SPHKAP: variants seen among roughly 807,000 people sequenced by gnomAD.
SPHKAP encodes SPHK1 interactor, AKAP domain containing, also known as A-kinase anchor protein SPHKAP.
Under a neutral mutation model 137.5 loss-of-function variants are expected in SPHKAP, and 67 were observed. That is an observed-to-expected ratio of 0.49 (90% CI 0.40 to 0.60). The LOEUF is 0.60. Among genes scored for constraint, SPHKAP ranks in the 20% least tolerant of loss-of-function variants. SPHKAP has a pLI of 0.00. For missense variants in SPHKAP, 2,097 were observed against 2,069.3 expected, an observed-to-expected ratio of 1.01 and a Z score of -0.26; for synonymous variants, 813 against 785.3, an observed-to-expected ratio of 1.04 and a Z score of -0.59.
intron 3 of SPHKAP, among the ~76,000 whole-genome samples, chr2:228,069,198 C>T (rs1202737649): frequency 2.6e-5 from 4 of 152,018 alleles, no homozygotes; most frequent in East Asian, 3.9e-4. Context: ...ACCTGGGAGG[C>T]GGAGGTTTCT....
At chr2:228,162,691 C>A (rs560097859) in intron 1 of SPHKAP, among the ~76,000 whole-genome samples, 1 of 152,002 alleles carries the variant, frequency 6.6e-6, no homozygotes, top group Non-Finnish European at 1.5e-5. Flanking sequence ...CAAAGCCCTT[C>A]TTTTTATTTA....
chr2:228,036,762 T>A (rs1191240016), intron 3 of SPHKAP, among the ~76,000 whole-genome samples: 1 of 152,058 alleles, frequency 6.6e-6, no homozygotes, highest in Non-Finnish European at 1.5e-5. Flanking sequence ...AAACCATCAT[T>A]TTCCGAAAAC....
intron 1 of SPHKAP, among the ~76,000 whole-genome samples, chr2:228,180,885 C>T (rs1040772010): frequency 6.6e-6 from 1 of 152,196 alleles, no homozygotes; most frequent in African/African-American, 2.4e-5. Flanking sequence ...AAACACGTTA[C>T]TCGCACCCGG....
At chr2:228,085,139 A>G (rs767059020) in intron 3 of SPHKAP, among the ~76,000 whole-genome samples, 1 of 152,244 alleles carries the variant, frequency 6.6e-6, no homozygotes, top group Non-Finnish European at 1.5e-5. Flanking sequence ...TTCTTCTGAC[A>G]CTGCACTGTG....
At chr2:228,067,312 C>A (rs146160380) in intron 3 of SPHKAP, among the ~76,000 whole-genome samples, 1 of 152,232 alleles carries the variant, frequency 6.6e-6, no homozygotes, top group East Asian at 1.9e-4. Context: ...ATAAATAGAT[C>A]TATTTTAAAA....
At chr2:228,021,451 T>G (rs1256824045) in intron 6 of SPHKAP, among the ~76,000 whole-genome samples, 1 of 152,204 alleles carries the variant, frequency 6.6e-6, no homozygotes, top group African/African-American at 2.4e-5. Context: ...GATTTTCCTT[T>G]AAAGTACACA....
At chr2:228,104,479 A>G (rs1034353386) in intron 3 of SPHKAP, among the ~76,000 whole-genome samples, 115 of 150,982 alleles carry the variant, frequency 7.6e-4, no homozygotes, top group African/African-American at 2.7e-3. Context: ...CAACTTATCA[A>G]CTGTGGTGTT....
At chr2:228,094,209 G>T (rs1697909947) in intron 3 of SPHKAP, among the ~76,000 whole-genome samples, 1 of 152,020 alleles carries the variant, frequency 6.6e-6, no homozygotes, top group African/African-American at 2.4e-5. Flanking sequence ...TTTGGAGCGG[G>T]GAACCAACCG....
intron 3 of SPHKAP, among the ~76,000 whole-genome samples, chr2:228,105,925 A>G (rs7570338): frequency 6.6e-6 from 1 of 152,032 alleles, no homozygotes; most frequent in Non-Finnish European, 1.5e-5. Context: ...ACTAATACAC[A>G]TAGCTTTTGA....
chr2:228,074,190 G>A (rs1697098824), intron 3 of SPHKAP, among the ~76,000 whole-genome samples: 1 of 152,204 alleles, frequency 6.6e-6, no homozygotes, highest in Non-Finnish European at 1.5e-5. Context: ...AAAAATTACT[G>A]TAAGCATATA....
chr2:228,166,232 G>T (rs532511385), intron 1 of SPHKAP, among the ~76,000 whole-genome samples: 1 of 152,226 alleles, frequency 6.6e-6, no homozygotes, highest in African/African-American at 2.4e-5. Context: ...GGAAAATTAT[G>T]ATCTATTAAT....
At chr2:228,051,879 C>G (rs1169191550) in intron 3 of SPHKAP, among the ~76,000 whole-genome samples, 2 of 152,170 alleles carry the variant, frequency 1.3e-5, no homozygotes, top group Non-Finnish European at 2.9e-5. Flanking sequence ...CCTTAGGCCT[C>G]TTTTGTACTG....
intron 11 of SPHKAP, chr2:227,982,116 G>A (rs1347961646): frequency 1.0e-6 from 1 of 983,040 alleles, no homozygotes; most frequent in African/African-American, 1.8e-5. Flanking sequence ...GGTGGAATGA[G>A]ACTAATTCTT....
chr2:228,027,799 C>T (rs1027365843), intron 3 of SPHKAP, among the ~76,000 whole-genome samples: 7 of 151,830 alleles, frequency 4.6e-5, no homozygotes, highest in African/African-American at 1.7e-4. Flanking sequence ...AACACTGTCT[C>T]TACTAAAAAT....
chr2:227,993,623 G>A lies in SPHKAP; in HGVS notation c.4635-3C>T. ...TAGTGGCACTACTGTTGCCATTGCT[G>A]ACAAAGCAAAAGTTTACATATTAAT... is the stretch of plus-strand genomic sequence containing the variant. On this transcript the variant is annotated splice_region_variant and splice_polypyrimidine_tract_variant and intron_variant, in intron 8 of 11. Transcript: ENST00000392056. 1.9e-6 allele frequency: 3 copies of A among 1,584,438 alleles called. No individual in the cohort carries two copies. Among genetic ancestry groups the A allele is most frequent in the Admixed American group, 1.8e-5 (1 of 55,540 alleles).
intron 3 of SPHKAP, among the ~76,000 whole-genome samples, chr2:228,100,743 C>G (rs1381928263): frequency 6.6e-6 from 1 of 152,020 alleles, no homozygotes; most frequent in Non-Finnish European, 1.5e-5. Flanking sequence ...ATTCAGTTTG[C>G]TAATATTTTA....
At chr2:228,147,203 C>G (rs979022804) in intron 1 of SPHKAP, among the ~76,000 whole-genome samples, 1 of 152,142 alleles carries the variant, frequency 6.6e-6, no homozygotes, top group Non-Finnish European at 1.5e-5. Flanking sequence ...CTTAAAAGAT[C>G]TTGTGATTTA....
At chr2:228,024,003 G>A (rs937167122) in intron 5 of SPHKAP, among the ~76,000 whole-genome samples, 1 of 152,136 alleles carries the variant, frequency 6.6e-6, no homozygotes, top group Admixed American at 6.6e-5. Flanking sequence ...TTCCTTGTGG[G>A]AGGAGCTTGT....
At chr2:228,103,438 G>A (rs953670848) in intron 3 of SPHKAP, among the ~76,000 whole-genome samples, 1 of 152,174 alleles carries the variant, frequency 6.6e-6, no homozygotes, top group Admixed American at 6.5e-5. Context: ...CTGCACCCAC[G>A]TAAGGGGGAT....
Sources: gnomAD v4.1 joint callset for allele counts (sites outside exome capture counted in the v4.1 genomes callset) on GRCh38, gnomAD v4.1.1 for gene constraint, MANE v1.5 for transcripts, NCBI Gene and HGNC (gene_info 2026-07-23, HGNC 2026-07-21) for gene names.